Variants in ATP1A4 observed in about 807,000 individuals in gnomAD.
ATP1A4 encodes sodium/potassium-transporting ATPase subunit alpha-4.
ATP1A4 carries 90 observed loss-of-function variants against 114.3 expected under a neutral mutation model. The observed-to-expected ratio is 0.79, with a 90% CI of 0.66 to 0.94. The LOEUF is 0.94. ATP1A4 is among the 40% of genes least tolerant of loss of function. The probability of loss-of-function intolerance (pLI) is 0.00; values close to 1 mark genes in which losing one functional copy is unlikely to be tolerated. For missense variants in ATP1A4, 1,222 were observed against 1,313.6 expected (o/e 0.93, Z 1.08); for synonymous variants, 511 against 494.1 (o/e 1.03, Z -0.45).
At position 160,177,934 on chromosome 1, in the gene ATP1A4, G is replaced by A. The variant is rs551857855; in HGVS notation, c.2736+270G>A. On this transcript the variant is annotated intron_variant, in intron 18 of 21. Coordinates refer to ENST00000368081, the MANE Select transcript of ATP1A4 (RefSeq NM_144699.4). Reference sequence around the variant, plus strand: ...CCTGTCTGAGTCCTTTGGCTCCTTGGAGTCTTTGTCATATCAACTTTTCTG... The same window carrying A: ...CCTGTCTGAGTCCTTTGGCTCCTTGAAGTCTTTGTCATATCAACTTTTCTG... 6.6e-5 allele frequency among the ~76,000 whole-genome samples: 10 copies of A among 152,290 alleles called. No individual in the cohort carries two copies. In the South Asian group the frequency reaches 2.1e-3, roughly 32 times the overall value.
rs1652963714 is a variant in ATP1A4, at chr1:160,164,383, AT to A, written c.1008del (p.Ile336MetfsTer17). On this transcript the variant is annotated frameshift_variant, in exon 7 of 22. Coordinates refer to ENST00000368081, the MANE Select transcript of ATP1A4 (RefSeq NM_144699.4). LOFTEE classifies it high-confidence loss of function. ...GGCTATCATTTTTCTCATTGGCATC[AT>A]TGTGGCCAATGTGCCTGAGGGGCTG... ...LEAIIFLIGIIVANVPEGLLA... is the reference protein window; with the variant it reads ...LEAIIFLIGIXVANVPEGLLA... 1 of 1,613,992 alleles carries A rather than the reference AT, an allele frequency of 6.2e-7. No homozygotes were observed. The highest frequency in any genetic ancestry group is 1.3e-5 in the African/African-American group (1 of 74,896).
chr1:160,170,048 G>T lies in ATP1A4; in HGVS notation c.1492-1203G>T, dbSNP rs952179916. On this transcript the variant is annotated intron_variant, in intron 10 of 21. Transcript: ENST00000368081. Reference sequence around the variant, plus strand: ...TCATGCCTGTAATCCCAGCAGTTTGGGAGGCCAAGGTGGGCAGATCACCTG... The same window carrying T: ...TCATGCCTGTAATCCCAGCAGTTTGTGAGGCCAAGGTGGGCAGATCACCTG... 1.1e-4 allele frequency: 16 copies of T among 152,196 alleles called. 2 individuals are homozygous for T. Among genetic ancestry groups the T allele is most frequent in the Admixed American group, 7.9e-4 (12 of 15,280 alleles). 9.4% of individuals were successfully genotyped at this position (152,196 alleles called of 1,614,324 possible).
rs1558018056 is a variant in ATP1A4, at chr1:160,159,188, G to A, written c.660+52G>A. On this transcript the variant is annotated intron_variant, in intron 5 of 21. Transcript: ENST00000368081. Reference sequence around the variant, plus strand: ...GGGACCCAAGCGTGATCTCATGGCAGGGTAGACACCTGGGCCGTTAGAGAA... The same window carrying A: ...GGGACCCAAGCGTGATCTCATGGCAAGGTAGACACCTGGGCCGTTAGAGAA... 3.8e-6 allele frequency: 6 copies of A among 1,590,276 alleles called. No individual in the cohort carries two copies. In the African/African-American group the frequency reaches 6.7e-5, roughly 18 times the overall value.
At chr1:160,167,172 C>A in intron 9 of ATP1A4, 95 bp downstream of exon 9, 1 of 1,563,388 alleles carries the variant, frequency 6.4e-7, no homozygotes. Flanking sequence ...AATTTCCCCC[C>A]AGGTACCCGC....
intron 11 of ATP1A4, 33 bp downstream of exon 11, chr1:160,171,473 T>C: frequency 6.2e-7 from 1 of 1,609,718 alleles, no homozygotes; most frequent in African/African-American, 1.3e-5. Context: ...TTTAAAAGAA[T>C]GGCATCAAAA....
chr1:160,156,299 A>G, intron 4 of ATP1A4, 141 bp downstream of exon 4: 1 of 604,864 alleles, frequency 1.7e-6, no homozygotes, highest in Non-Finnish European at 3.0e-6. Flanking sequence ...GTACTGTATC[A>G]GTCCTTAAAA....
At chr1:160,152,763 G>A (rs555631542) in intron 1 of ATP1A4, among the ~76,000 whole-genome samples, 10 of 152,268 alleles carry the variant, frequency 6.6e-5, no homozygotes, top group East Asian at 1.9e-4. Context: ...TAGGCCGGGC[G>A]TGGTGGCTCA....
intron 18 of ATP1A4, 100 bp downstream of exon 18, chr1:160,177,764 C>A: frequency 7.4e-7 from 1 of 1,354,440 alleles, no homozygotes; most frequent in African/African-American, 1.4e-5. Context: ...AAGGGAAGCA[C>A]CACACAAACA....
At chr1:160,163,554 G>C (rs1168947249) in intron 6 of ATP1A4, among the ~76,000 whole-genome samples, 1 of 152,198 alleles carries the variant, frequency 6.6e-6, no homozygotes, top group African/African-American at 2.4e-5. Context: ...TCATATGGAA[G>C]AGACGCACAG....
At chr1:160,166,493 C>G (rs776983134) in intron 7 of ATP1A4, 35 bp from the exon 8 acceptor site, 1 of 1,610,888 alleles carries the variant, frequency 6.2e-7, no homozygotes, top group South Asian at 1.1e-5. Context: ...TATTCCATCT[C>G]CCATGTGTAT....
intron 6 of ATP1A4, among the ~76,000 whole-genome samples, chr1:160,161,612 C>T (rs1231257326): frequency 6.6e-6 from 1 of 152,136 alleles, no homozygotes; most frequent in Non-Finnish European, 1.5e-5. Flanking sequence ...TAGGTGACAC[C>T]ATACACTACC....
intron 20 of ATP1A4, among the ~76,000 whole-genome samples, 171 bp from the exon 21 acceptor site, chr1:160,186,105 A>AAAAAAAAAAAAAAAAAC (rs1653881990): frequency 6.7e-6 from 1 of 149,470 alleles, no homozygotes; most frequent in Non-Finnish European, 1.5e-5. Context: ...AAAAAAAAAA[A>AAAAAAAAAAAAAAAAAC]AAAGGGATCA....
Position 160,176,558 on chromosome 1 carries a change from A to G in ATP1A4, c.2546A>G (p.Asn849Ser). The stretch of plus-strand genomic sequence containing the variant: ...CTTCCAAGGAACCCAAAGACGGATA[A>G]TCTGGTGAACCACCGTCTCATTGGC... ...KRLPRNPKTD[N>S]LVNHRLIGMA... is the part of the protein sequence containing the mutation. The change falls in exon 17 of 22, where the codon AAT becomes AGT. Residue 849 changes from asparagine to serine, a missense_variant. Asn to Ser is a conservative substitution (Grantham distance 46). Transcript: ENST00000368081. 6.2e-7 allele frequency: 1 copy of G among 1,614,172 alleles called. No homozygotes were observed. The highest frequency in any genetic ancestry group is 1.1e-5 in the South Asian group (1 of 91,086).
At chr1:160,156,637 C>A (rs112921959) in intron 4 of ATP1A4, among the ~76,000 whole-genome samples, 7 of 152,060 alleles carry the variant, frequency 4.6e-5, no homozygotes, top group African/African-American at 1.7e-4. Flanking sequence ...GTTTGAGATG[C>A]TATCTCTACA....
At position 160,159,390 on chromosome 1, in the gene ATP1A4, G is replaced by C. The variant is rs192201094; in HGVS notation, c.661-19G>C. 21 of 1,592,922 alleles carry C rather than the reference G, an allele frequency of 1.3e-5. No homozygotes were observed. In the Middle Eastern group the frequency reaches 8.4e-4, roughly 64 times the overall value. On this transcript the variant is annotated intron_variant, in intron 5 of 21. Transcript: ENST00000368081. ...TTTTCCTATGCTCACCTTACAACGC[G>C]TCCCCTCTCCCATCCCAGGTGGACA...
At chr1:160,162,779 C>T (rs1652907343) in intron 6 of ATP1A4, among the ~76,000 whole-genome samples, 1 of 152,156 alleles carries the variant, frequency 6.6e-6, no homozygotes, top group Non-Finnish European at 1.5e-5. Context: ...GATGTTGGAA[C>T]ATAGGGCTCT....
intron 10 of ATP1A4, chr1:160,169,786 G>A (rs576742820): frequency 6.6e-6 from 1 of 152,142 alleles, no homozygotes; most frequent in Non-Finnish European, 1.5e-5. Flanking sequence ...TCCTTGCTGC[G>A]GGTTGTCCCC....
chr1:160,171,495 C>T (rs669162), intron 11 of ATP1A4, 55 bp downstream of exon 11: 483,266 of 1,602,860 alleles, frequency 0.3, 75,305 homozygotes, highest in East Asian at 0.44. Flanking sequence ...GGTTATTATC[C>T]CTGGGGTGAG....
rs1558016750 is a variant in ATP1A4 at position 160,156,151 on chromosome 1, T to C, written c.518T>C (p.Val173Ala). The C allele has an allele frequency of 1.2e-6, 2 of 1,607,448 alleles. No homozygotes were observed. Among genetic ancestry groups the C allele is most frequent in the South Asian group, 1.1e-5 (1 of 90,932 alleles). Reference sequence around the variant, plus strand: ...ATCATGGAGTCTTTTAAGAACATGGTGCCTCAGGTAGGATTGGAGTGGGAG... The same window carrying C: ...ATCATGGAGTCTTTTAAGAACATGGCGCCTCAGGTAGGATTGGAGTGGGAG... Reference protein sequence around the residue: ...SKIMESFKNMVPQQALVIRGG... With the variant: ...SKIMESFKNMAPQQALVIRGG... Residue 173 changes from valine (V) to alanine (A), a missense_variant, in exon 4 of 22, where the codon GTG (valine) becomes GCG (alanine). By Grantham distance (64) the Val-to-Ala change is moderately conservative. Coordinates refer to ENST00000368081, the MANE Select transcript of ATP1A4 (RefSeq NM_144699.4).
Sources: gnomAD v4.1 joint callset for allele counts (sites outside exome capture counted in the v4.1 genomes callset) on GRCh38, gnomAD v4.1.1 for gene constraint, MANE v1.5 for transcripts, NCBI Gene and HGNC (gene_info 2026-07-23, HGNC 2026-07-21) for gene names.